PDE7B: variants seen among roughly 807,000 people sequenced by gnomAD.
PDE7B encodes phosphodiesterase 7B, also known as 3',5'-cyclic-AMP phosphodiesterase 7B.
A neutral mutation model predicts 56.2 loss-of-function variants in PDE7B; 29 were observed. The ratio of observed to expected loss-of-function variants is 0.52; its 90% confidence interval spans 0.38 to 0.70. PDE7B has a LOEUF of 0.70. Ranked by LOEUF, PDE7B falls within the 30% of genes least tolerant of loss-of-function variation. The pLI is 0.00. For missense variants in PDE7B, 490 were observed against 565.0 expected, an observed-to-expected ratio of 0.87 and a Z score of 1.35; for synonymous variants, 197 against 196.9, an observed-to-expected ratio of 1.00 and a Z score of 0.00.
chr6:135,954,712 A>G (rs951619170), intron 2 of PDE7B, among the ~76,000 whole-genome samples: 9 of 152,142 alleles, frequency 5.9e-5, no homozygotes, highest in African/African-American at 2.2e-4. Flanking sequence ...TCTTCTGTTT[A>G]TGGGAATATA....
chr6:136,067,857 AAC>A (rs1293301280), intron 2 of PDE7B, among the ~76,000 whole-genome samples: 1 of 152,200 alleles, frequency 6.6e-6, no homozygotes, highest in Non-Finnish European at 1.5e-5. Flanking sequence ...AGATGAGTGG[AAC>A]ACACACTTCC....
At chr6:136,069,315 G>A (rs1777006076) in intron 2 of PDE7B, among the ~76,000 whole-genome samples, 1 of 152,226 alleles carries the variant, frequency 6.6e-6, no homozygotes, top group Non-Finnish European at 1.5e-5. Flanking sequence ...TCAGCATGCA[G>A]TGAATCATCT....
At chr6:135,926,222 G>C (rs1020483418) in intron 1 of PDE7B, among the ~76,000 whole-genome samples, 58 of 151,878 alleles carry the variant, frequency 3.8e-4, no homozygotes, top group African/African-American at 1.4e-3. Flanking sequence ...GAGCAGCTGG[G>C]ACTACAGGCA....
intron 3 of PDE7B, among the ~76,000 whole-genome samples, chr6:136,133,995 A>G (rs533245300): frequency 6.6e-6 from 1 of 152,214 alleles, no homozygotes; most frequent in East Asian, 1.9e-4. Flanking sequence ...TTGGCCTCAT[A>G]TTGTGGAGGG....
At chr6:135,999,975 A>G (rs1562464733) in intron 2 of PDE7B, among the ~76,000 whole-genome samples, 1 of 152,242 alleles carries the variant, frequency 6.6e-6, no homozygotes, top group African/African-American at 2.4e-5. Context: ...GTAAGATGGT[A>G]TCACATTGTG....
At chr6:136,165,427 C>G (rs573308340) in intron 8 of PDE7B, 8 of 148,156 alleles carry the variant, frequency 5.4e-5, no homozygotes, top group African/African-American at 2.1e-4. Context: ...CTCATTAGCT[C>G]TTTCAGGATG....
chr6:135,990,729 A>T (rs755413013), intron 2 of PDE7B, among the ~76,000 whole-genome samples: 5 of 152,254 alleles, frequency 3.3e-5, no homozygotes, highest in Non-Finnish European at 7.3e-5. Flanking sequence ...AGTGATAAGT[A>T]TGTGAGGTAA....
chr6:136,103,426 G>A (rs1254596079), intron 2 of PDE7B, among the ~76,000 whole-genome samples: 3 of 152,148 alleles, frequency 2.0e-5, no homozygotes, highest in African/African-American at 4.8e-5. Context: ...AGGAGAAATC[G>A]TTCACTTAGT....
At chr6:135,935,218 T>TTTTATATATATATATA (rs1774401563) in intron 1 of PDE7B, among the ~76,000 whole-genome samples, 1 of 34,732 alleles carries the variant, frequency 2.9e-5, no homozygotes, top group Non-Finnish European at 5.0e-5. Flanking sequence ...ATATATATAT[T>TTTTATATATATATATA]TTCATGATTC....
chr6:136,019,522 A>G (rs2128207954), intron 2 of PDE7B, among the ~76,000 whole-genome samples: 1 of 152,254 alleles, frequency 6.6e-6, no homozygotes, highest in African/African-American at 2.4e-5. Context: ...TTTGTCCCCT[A>G]TATACTCCAT....
chr6:136,179,074 T>C lies in PDE7B; in HGVS notation c.881T>C (p.Leu294Ser). 1 of 1,614,068 alleles carries C rather than the reference T, an allele frequency of 6.2e-7. No homozygotes were observed. Among genetic ancestry groups the C allele is most frequent in the Non-Finnish European group, 8.5e-7 (1 of 1,179,926 alleles). ...AGGCAGAATGAATTTTTGACCAGAT[T>C]GAAAGCTCACCTCCACAATAAAGAC... is the stretch of plus-strand genomic sequence containing the variant. ...INRQNEFLTR[L>S]KAHLHNKDLR... is the part of the protein sequence containing the mutation. Residue 294 changes from leucine to serine, a missense_variant, in exon 10 of 13, where the codon TTG (leucine) becomes TCG (serine). By Grantham distance (145) the Leu-to-Ser change is moderately radical (BLOSUM62 -2). Coordinates refer to ENST00000308191, the MANE Select transcript of PDE7B (RefSeq NM_018945.4).
chr6:135,951,004 G>A (rs539463238), intron 2 of PDE7B, among the ~76,000 whole-genome samples: 81 of 152,322 alleles, frequency 5.3e-4, no homozygotes, highest in Non-Finnish European at 1.1e-3. Flanking sequence ...GGCTTCAAGA[G>A]AATAGCTCAT....
At chr6:136,101,124 G>T (rs762782275) in intron 2 of PDE7B, among the ~76,000 whole-genome samples, 3 of 152,252 alleles carry the variant, frequency 2.0e-5, no homozygotes, top group African/African-American at 2.4e-5. Context: ...CGACTTGATC[G>T]TGGTGGATAA....
intron 1 of PDE7B, among the ~76,000 whole-genome samples, chr6:135,904,203 G>A (rs937616322): frequency 5.3e-5 from 8 of 152,122 alleles, no homozygotes; most frequent in Admixed American, 1.3e-4. Context: ...CTAAATTATT[G>A]CAAAGTGGGG....
intron 2 of PDE7B, chr6:136,034,838 G>C (rs1776299477): frequency 6.6e-6 from 1 of 152,620 alleles, no homozygotes; most frequent in Non-Finnish European, 1.5e-5. Flanking sequence ...TGGGCCCTCA[G>C]GGCCCGCACA....
chr6:136,022,543 G>A (rs940067559), intron 2 of PDE7B, among the ~76,000 whole-genome samples: 2 of 152,182 alleles, frequency 1.3e-5, no homozygotes, highest in African/African-American at 4.8e-5. Flanking sequence ...CTTCTGTGGA[G>A]GTTGATATGT....
chr6:136,069,026 TGAATTCCTAAGGGAG>T (rs1382145852), intron 2 of PDE7B, among the ~76,000 whole-genome samples: 1 of 152,288 alleles, frequency 6.6e-6, no homozygotes, highest in East Asian at 1.9e-4. Flanking sequence ...CACCTGTGCC[TGAATTCCTAAGGGAG>T]GAAGGTATAA....
At chr6:135,949,547 G>A (rs1004011399) in intron 2 of PDE7B, among the ~76,000 whole-genome samples, 1 of 151,974 alleles carries the variant, frequency 6.6e-6, no homozygotes, top group Non-Finnish European at 1.5e-5. Flanking sequence ...AGTTAATTGA[G>A]CACTTAATAT....
chr6:135,980,221 GA>G (rs1482676707), intron 2 of PDE7B, among the ~76,000 whole-genome samples: 1 of 152,202 alleles, frequency 6.6e-6, no homozygotes, highest in Non-Finnish European at 1.5e-5. Flanking sequence ...ATGGTGCTGG[GA>G]AAACTGGCTA....
Sources: allele counts gnomAD v4.1 joint callset (sites outside exome capture counted in the v4.1 genomes callset), GRCh38; gene constraint gnomAD v4.1.1; transcripts MANE v1.5; gene names NCBI Gene and HGNC (gene_info 2026-07-23, HGNC 2026-07-21).